The following LRMDA variants were observed in gnomAD, a reference collection of about 807,000 sequenced individuals.
LRMDA encodes leucine rich melanocyte differentiation associated.
A neutral mutation model predicts 29.8 loss-of-function variants in LRMDA; 18 were observed. The observed-to-expected ratio is 0.60, with a 90% CI of 0.42 to 0.90. The LOEUF (loss-of-function observed/expected upper bound fraction) is 0.90, where lower values mean the gene tolerates loss of function less well. LRMDA is among the 40% of genes least tolerant of loss of function. LRMDA has a pLI of 0.00. For synonymous variants in LRMDA, 125 were observed against 109.4 expected (o/e 1.14, Z -0.89); for missense variants, 273 against 273.9 (o/e 1.00, Z 0.02).
intron 5 of LRMDA, among the ~76,000 whole-genome samples, chr10:76,293,279 C>T (rs1840372172): frequency 6.6e-6 from 1 of 152,188 alleles, no homozygotes; most frequent in South Asian, 2.1e-4. Context: ...CCATGCCCAG[C>T]CTAGTCTGTG....
At chr10:76,282,081 C>A (rs967600821) in intron 5 of LRMDA, among the ~76,000 whole-genome samples, 1 of 152,188 alleles carries the variant, frequency 6.6e-6, no homozygotes, top group Non-Finnish European at 1.5e-5. Flanking sequence ...TGTCAGCAAT[C>A]AAATTCCACA....
intron 6 of LRMDA, among the ~76,000 whole-genome samples, chr10:76,508,547 C>G (rs890251397): frequency 6.7e-6 from 1 of 150,132 alleles, no homozygotes; most frequent in Non-Finnish European, 1.5e-5. Flanking sequence ...GTTGATCAAA[C>G]TGTTTTAAGA....
chr10:76,269,947 G>A (rs2132319767), intron 5 of LRMDA, among the ~76,000 whole-genome samples: 1 of 152,308 alleles, frequency 6.6e-6, no homozygotes, highest in South Asian at 2.1e-4. Context: ...GCAGGAAGCA[G>A]AGATCTTGAG....
At chr10:76,118,433 G>A (rs1849703618) in intron 5 of LRMDA, among the ~76,000 whole-genome samples, 1 of 152,154 alleles carries the variant, frequency 6.6e-6, no homozygotes, top group African/African-American at 2.4e-5. Context: ...CAATCAGAGT[G>A]TGTGACAAAT....
chr10:75,534,160 T>C (rs1298613812), intron 2 of LRMDA, among the ~76,000 whole-genome samples: 2 of 152,154 alleles, frequency 1.3e-5, no homozygotes, highest in Non-Finnish European at 2.9e-5. Context: ...GAATATAATA[T>C]ATGAGGGTGA....
chr10:75,979,016 C>T (rs1271604398), intron 2 of LRMDA, among the ~76,000 whole-genome samples: 1 of 152,154 alleles, frequency 6.6e-6, no homozygotes, highest in Non-Finnish European at 1.5e-5. Flanking sequence ...TTCCATGCAT[C>T]ACTTTGCTTA....
intron 2 of LRMDA, among the ~76,000 whole-genome samples, chr10:75,775,016 C>T (rs1353786902): frequency 6.6e-6 from 1 of 152,212 alleles, no homozygotes; most frequent in Admixed American, 6.5e-5. Flanking sequence ...TATCTACATT[C>T]ACTTAGCTCT....
At chr10:76,455,190 T>C (rs80269566) in intron 6 of LRMDA, among the ~76,000 whole-genome samples, 2,730 of 152,268 alleles carry the variant, frequency 0.018, 84 homozygotes, top group African/African-American at 0.061. Context: ...CCACCCAGAA[T>C]TGGTGAATAT....
chr10:75,557,050 A>G (rs1840223611), intron 2 of LRMDA, among the ~76,000 whole-genome samples: 1 of 152,084 alleles, frequency 6.6e-6, no homozygotes. Flanking sequence ...ATGGTGGCTC[A>G]CACCTGTAAT....
At chr10:75,600,266 G>C (rs1174327438) in intron 2 of LRMDA, among the ~76,000 whole-genome samples, 2 of 152,064 alleles carry the variant, frequency 1.3e-5, no homozygotes, top group Non-Finnish European at 2.9e-5. Context: ...AACACCTTGC[G>C]TGTGAAGGGC....
At chr10:75,521,900 A>T (rs1845365592) in intron 2 of LRMDA, among the ~76,000 whole-genome samples, 1 of 152,364 alleles carries the variant, frequency 6.6e-6, no homozygotes, top group South Asian at 2.1e-4. Context: ...AGCTAGAAGG[A>T]TCACTCAGAG....
At chr10:75,527,510 T>C (rs1475949166) in intron 2 of LRMDA, among the ~76,000 whole-genome samples, 1 of 151,960 alleles carries the variant, frequency 6.6e-6, no homozygotes, top group African/African-American at 2.4e-5. Flanking sequence ...ACCAGTAATA[T>C]ATGAAAGTTC....
At chr10:75,510,376 G>A (rs1381131852) in intron 2 of LRMDA, among the ~76,000 whole-genome samples, 1 of 152,228 alleles carries the variant, frequency 6.6e-6, no homozygotes, top group Non-Finnish European at 1.5e-5. Context: ...AGAGTCAGAG[G>A]TGAAGAAAAG....
At chr10:75,495,180 T>C (rs1203550049) in intron 2 of LRMDA, among the ~76,000 whole-genome samples, 1 of 152,178 alleles carries the variant, frequency 6.6e-6, no homozygotes, top group East Asian at 1.9e-4. Flanking sequence ...GTAGGCCACC[T>C]GTAGATTCTG....
chr10:76,444,617 A>T (rs1564543545), intron 6 of LRMDA, among the ~76,000 whole-genome samples: 1 of 152,188 alleles, frequency 6.6e-6, no homozygotes, highest in Non-Finnish European at 1.5e-5. Flanking sequence ...GTGGTTACAC[A>T]ACCAGCCAAG....
At chr10:75,561,326 G>A (rs917159106) in intron 2 of LRMDA, among the ~76,000 whole-genome samples, 1 of 149,114 alleles carries the variant, frequency 6.7e-6, no homozygotes, top group South Asian at 2.2e-4. Flanking sequence ...TTGCGTAGAG[G>A]TGTTTGTAGT....
Position 76,220,522 on chromosome 10 carries a change from A to G in LRMDA, c.517-103879A>G, listed in dbSNP as rs1255266567. The stretch of plus-strand genomic sequence containing the variant: ...TGCAAATAAACTACAAAAATCTAGA[A>G]GAAATGGGTAAATTCCTTGACACAT... On this transcript the variant is annotated intron_variant, in intron 5 of 6. Transcript: ENST00000611255. Among the ~76,000 whole-genome samples the G allele has an allele frequency of 3.9e-5, 6 of 152,240 alleles. No homozygotes were observed. The East Asian group carries it at 1.2e-3, about 29-fold the overall frequency.
chr10:75,520,984 A>G (rs1181844280), intron 2 of LRMDA, among the ~76,000 whole-genome samples: 1 of 152,230 alleles, frequency 6.6e-6, no homozygotes, highest in African/African-American at 2.4e-5. Context: ...GGTCTACTCC[A>G]GACCCTGTTT....
intron 5 of LRMDA, among the ~76,000 whole-genome samples, chr10:76,263,376 A>G (rs1354340834): frequency 6.6e-6 from 1 of 152,190 alleles, no homozygotes; most frequent in Non-Finnish European, 1.5e-5. Context: ...TCAAAGAAAA[A>G]TCAAAATAGA....
Sources: allele counts gnomAD v4.1 joint callset (sites outside exome capture counted in the v4.1 genomes callset), GRCh38; gene constraint gnomAD v4.1.1; transcripts MANE v1.5; gene names NCBI Gene and HGNC (gene_info 2026-07-23, HGNC 2026-07-21).